Variants in LIPA observed in about 807,000 individuals in gnomAD.
LIPA encodes lysosomal acid lipase/cholesteryl ester hydrolase.
A neutral mutation model predicts 40.6 loss-of-function variants in LIPA; 26 were observed. That is an observed-to-expected ratio of 0.64 (90% CI 0.47 to 0.89). The LOEUF is 0.89. Among genes scored for constraint, LIPA ranks in the 40% least tolerant of loss-of-function variants. The probability of loss-of-function intolerance (pLI) is 0.00; values close to 1 mark genes in which losing one functional copy is unlikely to be tolerated. For missense variants in LIPA, 455 were observed against 479.6 expected (o/e 0.95, Z 0.48); for synonymous variants, 188 against 168.4 (o/e 1.12, Z -0.90).
chr10:89,332,613 A>T, intron 1 of LIPA: 1 of 1,614,148 alleles, frequency 6.2e-7, no homozygotes, highest in Non-Finnish European at 8.5e-7. Flanking sequence ...ACTGCAGGGA[A>T]ACAGCCATCA....
At chr10:89,386,849 A>C (rs1844213197) in intron 2 of LIPA, among the ~76,000 whole-genome samples, 3 of 152,162 alleles carry the variant, frequency 2.0e-5, no homozygotes, top group South Asian at 2.1e-4. Context: ...TTCATTCATT[A>C]ATTAATATTG....
chr10:89,369,494 G>A (rs1455936997), intron 2 of LIPA, among the ~76,000 whole-genome samples: 1 of 142,778 alleles, frequency 7.0e-6, no homozygotes, highest in Non-Finnish European at 1.6e-5. Flanking sequence ...CTCCACCCTG[G>A]GAACCAAGCC....
chr10:89,392,594 T>G, intron 2 of LIPA: 2 of 1,102,704 alleles, frequency 1.8e-6, no homozygotes, highest in Non-Finnish European at 2.8e-6. Context: ...TTAGCTCCCT[T>G]ATATAACACT....
intron 7 of LIPA, 38 bp downstream of exon 7, chr10:89,223,646 T>G (rs1842728645): frequency 9.5e-7 from 1 of 1,049,184 alleles, no homozygotes; most frequent in Admixed American, 2.4e-5. Context: ...CATTCACAGA[T>G]AAAAAAAAAA....
At chr10:89,403,847 A>G (rs1844484586) in intron 2 of LIPA, 1 of 608,674 alleles carries the variant, frequency 1.6e-6, no homozygotes. Context: ...AAATCTGACA[A>G]AATATTAGTT....
upstream of LIPA, among the ~76,000 whole-genome samples, chr10:89,345,260 G>C (rs989685356): frequency 6.6e-6 from 1 of 151,878 alleles, no homozygotes; most frequent in Non-Finnish European, 1.5e-5. Context: ...CGGGCGCAGT[G>C]CCTCATGCCT....
Position 89,349,051 on chromosome 10 carries a change from C to T in LIPA, c.61+63740G>A, listed in dbSNP as rs562906255. 9.9e-5 allele frequency among the ~76,000 whole-genome samples: 15 copies of T among 152,280 alleles called. No individual in the cohort carries two copies. In the South Asian group the frequency reaches 1.9e-3, roughly 19 times the overall value. On this transcript the variant is annotated intron_variant, in intron 2 of 8. Coordinates refer to the LIPA transcript ENST00000371837. ...CACTTTGGACTTCAAAATGAAGGCA[C>T]TTGAGAAATAGCAAATGCAAGACAG...
At chr10:89,383,413 G>A in intron 2 of LIPA, 1 of 1,614,196 alleles carries the variant, frequency 6.2e-7, no homozygotes, top group Non-Finnish European at 8.5e-7. Context: ...TGAAATTCCT[G>A]ATTTAGAAAA....
intron 1 of LIPA, among the ~76,000 whole-genome samples, chr10:89,291,526 G>A (rs1443688495): frequency 1.3e-5 from 2 of 152,120 alleles, no homozygotes; most frequent in African/African-American, 2.4e-5. Flanking sequence ...ATACACATGA[G>A]TTATATAGTC....
At chr10:89,361,507 A>C (rs1844021411) in intron 2 of LIPA, among the ~76,000 whole-genome samples, 1 of 152,208 alleles carries the variant, frequency 6.6e-6, no homozygotes, top group Non-Finnish European at 1.5e-5. Context: ...TTCTCCTGAC[A>C]GCATTATTGC....
intron 1 of LIPA, among the ~76,000 whole-genome samples, chr10:89,301,189 G>A (rs891499161): frequency 3.3e-5 from 5 of 152,208 alleles, no homozygotes; most frequent in Admixed American, 2.6e-4. Context: ...CATAAAGGTG[G>A]AAGCTGATTT....
chr10:89,352,423 T>G (rs1359946640), intron 2 of LIPA, among the ~76,000 whole-genome samples: 1 of 152,218 alleles, frequency 6.6e-6, no homozygotes, highest in African/African-American at 2.4e-5. Flanking sequence ...ATTGCACATG[T>G]GCATATTTTC....
At chr10:89,394,577 A>AATACATATAT (rs1844306217) in intron 2 of LIPA, among the ~76,000 whole-genome samples, 1 of 108,752 alleles carries the variant, frequency 9.2e-6, no homozygotes, top group Non-Finnish European at 1.8e-5. Flanking sequence ...ACTACAGGAA[A>AATACATATAT]ATATATATAT....
chr10:89,280,527 C>T (rs976831793), intron 1 of LIPA, among the ~76,000 whole-genome samples: 1 of 152,212 alleles, frequency 6.6e-6, no homozygotes, highest in Non-Finnish European at 1.5e-5. Flanking sequence ...GGAGGGGACC[C>T]TCAATTCTAA....
At chr10:89,343,519 A>T (rs1284595492), upstream of LIPA, among the ~76,000 whole-genome samples, 1 of 152,172 alleles carries the variant, frequency 6.6e-6, no homozygotes, top group African/African-American at 2.4e-5. Flanking sequence ...ACTCCAGGGG[A>T]GAAAGAAGCA....
chr10:89,257,124 G>A (rs1252857821), intron 1 of LIPA, among the ~76,000 whole-genome samples: 4 of 152,202 alleles, frequency 2.6e-5, no homozygotes, highest in Non-Finnish European at 1.5e-5. Context: ...GGTGGCATTG[G>A]TCCAAGGACT....
chr10:89,308,146 C>T (rs1323249998), intron 1 of LIPA: 1 of 152,154 alleles, frequency 6.6e-6, no homozygotes. Flanking sequence ...CTGTACAATA[C>T]ACTAGAAACC....
upstream of LIPA, among the ~76,000 whole-genome samples, chr10:89,254,145 T>C (rs1019883833): frequency 2.0e-5 from 3 of 152,242 alleles, no homozygotes; most frequent in Admixed American, 6.5e-5. Flanking sequence ...CAGTGCCCCA[T>C]TGGGGACTCT....
intron 2 of LIPA, among the ~76,000 whole-genome samples, chr10:89,369,042 A>G (rs1045960459): frequency 6.6e-6 from 1 of 152,170 alleles, no homozygotes. Flanking sequence ...TGGATTATTT[A>G]TATTCATTAA....
Sources: allele counts gnomAD v4.1 joint callset (sites outside exome capture counted in the v4.1 genomes callset), GRCh38; gene constraint gnomAD v4.1.1; transcripts MANE v1.5; gene names NCBI Gene and HGNC (gene_info 2026-07-23, HGNC 2026-07-21).